PDSS2: variants seen among roughly 807,000 people sequenced by gnomAD.
PDSS2 encodes the protein decaprenyl diphosphate synthase subunit 2, also known as all trans-polyprenyl-diphosphate synthase PDSS2.
In PDSS2, 31 loss-of-function variants were observed where a neutral mutation model predicts 44.5. The ratio of observed to expected loss-of-function variants is 0.70; its 90% CI spans 0.52 to 0.94. PDSS2 has a LOEUF of 0.94. Ranked by LOEUF, PDSS2 falls within the 40% of genes least tolerant of loss-of-function variation. The pLI is 0.00. For synonymous variants in PDSS2, 157 were observed against 180.3 expected, an observed-to-expected ratio of 0.87 and a Z score of 1.03; for missense variants, 452 against 482.2, an observed-to-expected ratio of 0.94 and a Z score of 0.59.
chr6:107,260,592 T>C (rs1775180004), intron 3 of PDSS2, among the ~76,000 whole-genome samples: 1 of 152,100 alleles, frequency 6.6e-6, no homozygotes, highest in African/African-American at 2.4e-5. Flanking sequence ...TTAGCAACCT[T>C]GATCTTTGTA....
chr6:107,428,308 A>G (rs1204057947), intron 1 of PDSS2, among the ~76,000 whole-genome samples: 1 of 152,226 alleles, frequency 6.6e-6, no homozygotes, highest in Non-Finnish European at 1.5e-5. Context: ...CTACAATTTA[A>G]GTGTATTCTT....
chr6:107,375,980 C>T (rs1235150815), intron 1 of PDSS2, among the ~76,000 whole-genome samples: 5 of 152,068 alleles, frequency 3.3e-5, no homozygotes, highest in African/African-American at 1.2e-4. Context: ...AAAGACAGTA[C>T]ACTAGCCAGT....
intron 1 of PDSS2, among the ~76,000 whole-genome samples, chr6:107,372,712 A>T (rs527568919): frequency 6.6e-6 from 1 of 152,302 alleles, no homozygotes; most frequent in South Asian, 2.1e-4. Flanking sequence ...TCGGCCTCCC[A>T]AAGTGCTGGG....
chr6:107,212,204 T>C lies in PDSS2; in HGVS notation c.781A>G (p.Lys261Glu). 6.2e-7 allele frequency: 1 copy of C among 1,614,000 alleles called. No individual in the cohort carries two copies. The highest frequency in any genetic ancestry group is 8.5e-7 in the Non-Finnish European group (1 of 1,179,858). The change falls in exon 5 of 8, where the codon AAG becomes GAG. Residue 261 changes from lysine to glutamate, a missense_variant. By Grantham distance (56) the Lys-to-Glu change is moderately conservative. Transcript: ENST00000369037. ...AATTCCATTGCAGCTTGGCAGCTCT[T>C]TGCTAGTAAGGCACCATGGGAGAGA... The part of the protein sequence containing the change: ...TFLSHGALLA[K>E]SCQAAMELAK...
intron 1 of PDSS2, among the ~76,000 whole-genome samples, chr6:107,396,929 T>G (rs1325406140): frequency 6.6e-6 from 1 of 152,022 alleles, no homozygotes; most frequent in Non-Finnish European, 1.5e-5. Context: ...CAAGCTCAAG[T>G]GATCCTCCCA....
intron 1 of PDSS2, among the ~76,000 whole-genome samples, chr6:107,416,944 T>C (rs1432375784): frequency 1.3e-5 from 2 of 151,996 alleles, no homozygotes; most frequent in Admixed American, 6.6e-5. Flanking sequence ...AAAGCACTTA[T>C]CTGGGCGGGT....
At chr6:107,253,849 G>A (rs1393807593) in intron 3 of PDSS2, among the ~76,000 whole-genome samples, 1 of 151,996 alleles carries the variant, frequency 6.6e-6, no homozygotes, top group African/African-American at 2.4e-5. Flanking sequence ...AAAAGTAGCA[G>A]ACAATTTAAA....
intron 3 of PDSS2, among the ~76,000 whole-genome samples, chr6:107,257,620 T>C (rs1328267172): frequency 6.6e-6 from 1 of 151,930 alleles, no homozygotes; most frequent in Non-Finnish European, 1.5e-5. Flanking sequence ...TACATACAAT[T>C]GGCTTTTTTT....
At chr6:107,209,562 C>CTTT (rs543768033) in intron 6 of PDSS2, among the ~76,000 whole-genome samples, 3 of 126,184 alleles carry the variant, frequency 2.4e-5, no homozygotes, top group Admixed American at 8.2e-5. Context: ...AGGCTCTAAG[C>CTTT]TTTTTTTTTT....
intron 1 of PDSS2, among the ~76,000 whole-genome samples, chr6:107,359,449 C>A (rs2114265726): frequency 6.6e-6 from 1 of 151,322 alleles, no homozygotes; most frequent in East Asian, 2.0e-4. Context: ...ATGGTGAAAC[C>A]CCATCTTTAC....
chr6:107,348,697 A>G (rs2115323502), intron 1 of PDSS2, among the ~76,000 whole-genome samples: 1 of 152,366 alleles, frequency 6.6e-6, no homozygotes, highest in African/African-American at 2.4e-5. Flanking sequence ...AGGCCATATT[A>G]TAACAACAGA....
At chr6:107,359,796 A>G (rs1778711283) in intron 1 of PDSS2, among the ~76,000 whole-genome samples, 1 of 152,128 alleles carries the variant, frequency 6.6e-6, no homozygotes, top group Admixed American at 6.5e-5. Context: ...AAGAAATATG[A>G]AAAGTCCTGG....
At chr6:107,266,236 A>G (rs757727787) in intron 3 of PDSS2, among the ~76,000 whole-genome samples, 26 of 152,322 alleles carry the variant, frequency 1.7e-4, no homozygotes, top group South Asian at 4.1e-4. Context: ...GTAATTCACA[A>G]TCTCCTCAGT....
intron 2 of PDSS2, among the ~76,000 whole-genome samples, chr6:107,289,268 G>A (rs1007899097): frequency 8.6e-5 from 13 of 151,624 alleles, no homozygotes; most frequent in African/African-American, 3.1e-4. Context: ...AGCTACTCAG[G>A]AGGCTGAGGC....
At chr6:107,399,905 T>C (rs1162597012) in intron 1 of PDSS2, among the ~76,000 whole-genome samples, 1 of 152,142 alleles carries the variant, frequency 6.6e-6, no homozygotes, top group Middle Eastern at 3.4e-3. Flanking sequence ...AATAACAAAA[T>C]AGTGTGTAGA....
chr6:107,257,396 A>G (rs997917290), intron 3 of PDSS2, among the ~76,000 whole-genome samples: 7 of 147,520 alleles, frequency 4.7e-5, no homozygotes, highest in Admixed American at 4.7e-4. Context: ...AAAATTAACA[A>G]GGCATGGTGT....
intron 1 of PDSS2, among the ~76,000 whole-genome samples, chr6:107,421,870 T>G (rs1394931605): frequency 6.8e-6 from 1 of 147,524 alleles, no homozygotes; most frequent in Non-Finnish European, 1.5e-5. Flanking sequence ...GAAAGCCAAA[T>G]AAGGTTTGTA....
At chr6:107,371,794 T>C (rs1779135287) in intron 1 of PDSS2, among the ~76,000 whole-genome samples, 1 of 152,174 alleles carries the variant, frequency 6.6e-6, no homozygotes, top group Admixed American at 6.5e-5. Flanking sequence ...ATTAAATAAT[T>C]TGTCAAAGGC....
At chr6:107,160,151 G>A (rs1771070453) in intron 7 of PDSS2, among the ~76,000 whole-genome samples, 2 of 152,186 alleles carry the variant, frequency 1.3e-5, no homozygotes, top group East Asian at 1.9e-4. Flanking sequence ...AGGAAGTGGA[G>A]GTTACAGTGG....
Sources: allele counts gnomAD v4.1 joint callset (sites outside exome capture counted in the v4.1 genomes callset), GRCh38; gene constraint gnomAD v4.1.1; transcripts MANE v1.5; gene names NCBI Gene and HGNC (gene_info 2026-07-23, HGNC 2026-07-21).